The following NR4A3 variants were observed in gnomAD, a reference collection of about 807,000 sequenced individuals.
NR4A3 encodes chondrosarcoma, extraskeletal myxoid, fused to EWS.
A neutral mutation model predicts 55.6 loss-of-function variants in NR4A3; 13 were observed. That is an observed-to-expected ratio of 0.23 (90% CI 0.15 to 0.37). The LOEUF (loss-of-function observed/expected upper bound fraction) is 0.37, where lower values mean the gene tolerates loss of function less well. Among genes scored for constraint, NR4A3 ranks in the 10% least tolerant of loss-of-function variants. The probability of loss-of-function intolerance (pLI) is 1.00; values close to 1 mark genes in which losing one functional copy is unlikely to be tolerated. For synonymous variants in NR4A3, 342 were observed against 357.9 expected, an observed-to-expected ratio of 0.96 and a Z score of 0.50; for missense variants, 646 against 822.8, an observed-to-expected ratio of 0.79 and a Z score of 2.63.
chr9:99,847,384 G>A, intron 6 of NR4A3, 53 bp from the exon 7 acceptor site: 1 of 1,544,858 alleles, frequency 6.5e-7, no homozygotes, highest in Non-Finnish European at 8.9e-7. Flanking sequence ...ATGTTATCAT[G>A]TTGGACAGAT....
intron 5 of NR4A3, among the ~76,000 whole-genome samples, chr9:99,835,655 C>T (rs1026402020): frequency 6.6e-6 from 1 of 152,132 alleles, no homozygotes; most frequent in Non-Finnish European, 1.5e-5. Flanking sequence ...AATTTTTTGG[C>T]CCCAAATTAT....
chr9:99,828,779 C>A lies in NR4A3; in HGVS notation c.737C>A (p.Pro246Gln). 6.9e-7 allele frequency: 1 copy of A among 1,451,922 alleles called. No individual in the cohort carries two copies. The highest frequency in any genetic ancestry group is 9.0e-7 in the Non-Finnish European group (1 of 1,105,096). 89.9% of individuals were successfully genotyped at this position (1,451,922 alleles called of 1,614,324 possible). ...AALESHPYGL[P>Q]LAKRAAPLAF... ...CTTGAGAGCCACCCGTACGGGCTGC[C>A]GCTGGCCAAGAGGGCGGCCCCGCTG... Residue 246 changes from proline to glutamine, a missense_variant, in exon 3 of 8, where the codon CCG becomes CAG. This residue lies in a region of NR4A3 where 426 missense variants were observed against 429.4 expected (regional missense o/e 0.99). Coordinates refer to ENST00000395097, the MANE Select transcript of NR4A3 (RefSeq NM_006981.4). The surrounding 1 kb of genome is among the most constrained non-coding windows in gnomAD (Gnocchi z 7.7).
rs1051150297 is a variant in NR4A3 at position 99,822,344 on chromosome 9, A to T, written c.-240A>T. 1.3e-5 allele frequency: 2 copies of T among 152,348 alleles called. No individual in the cohort carries two copies. Among genetic ancestry groups the T allele is most frequent in the Admixed American group, 1.3e-4 (2 of 15,286 alleles). The allele number at this position is 152,348 out of a possible 1,614,324, so 9.4% of individuals were successfully genotyped here. ...GGGACAGCAGCTGTGACTCCCCCCCAGTGCAGATTTCGGGACAGCTCTCTA... is the reference window on the plus strand; with the variant it reads ...GGGACAGCAGCTGTGACTCCCCCCCTGTGCAGATTTCGGGACAGCTCTCTA... On this transcript the variant is annotated 5_prime_UTR_variant, in exon 1 of 8. Transcript: ENST00000395097. The surrounding 1 kb of genome is among the most constrained non-coding windows in gnomAD (Gnocchi z 4.9).
chr9:99,862,504 C>CA (rs2118181251), intron 7 of NR4A3, among the ~76,000 whole-genome samples: 1 of 135,340 alleles, frequency 7.4e-6, no homozygotes, highest in South Asian at 2.4e-4. Context: ...GAGCCAAGAT[C>CA]GCACCACTGC....
chr9:99,824,851 G>C (rs989620721), intron 1 of NR4A3, among the ~76,000 whole-genome samples: 1 of 152,194 alleles, frequency 6.6e-6, no homozygotes, highest in Non-Finnish European at 1.5e-5. Flanking sequence ...CCGGAGCTGC[G>C]CTCGGCGCCC....
chr9:99,859,604 G>A (rs752822060), intron 7 of NR4A3, among the ~76,000 whole-genome samples: 4 of 152,162 alleles, frequency 2.6e-5, no homozygotes, highest in Non-Finnish European at 5.9e-5. Context: ...GCTGGCAGGA[G>A]GTATCGATCT....
intron 5 of NR4A3, among the ~76,000 whole-genome samples, chr9:99,838,009 G>T (rs1467110479): frequency 1.3e-5 from 2 of 152,196 alleles, no homozygotes; most frequent in Admixed American, 6.5e-5. Context: ...GGGACCTTCA[G>T]TTCTCCTTTG....
rs1018670529 is a variant in NR4A3, at chr9:99,847,346, A to C, written c.1455-91A>C. The C allele has an allele frequency of 2.4e-6, 3 of 1,251,254 alleles. No individual in the cohort carries two copies. The African/African-American group carries it at 4.4e-5, about 18-fold the overall frequency. 77.5% of individuals were successfully genotyped at this position (1,251,254 alleles called of 1,614,324 possible). On this transcript the variant is annotated intron_variant, in intron 6 of 7. Transcript: ENST00000395097. ...CACACTGGGGTCCCAATGCTGCCCC[A>C]TGGCTGTCTGTGTGCCTGTGTGTCA...
chr9:99,833,381 C>T lies in NR4A3; in HGVS notation c.1181C>T (p.Pro394Leu), dbSNP rs759791370. ...QEPSQPSPPS[P>L]PICMMNALVR... is the part of the protein sequence containing the mutation. ...CCTTCTCAGCCCTCTCCACCTTCTC[C>T]TCCAATCTGCATGATGAATGCCCTT... The change falls in exon 5 of 8, where the codon CCT (proline) becomes CTT (leucine). Residue 394 changes from proline to leucine, a missense_variant. Physicochemically the swap from Pro to Leu is moderately conservative, Grantham distance 98 (BLOSUM62 -3). Coordinates refer to ENST00000395097, the MANE Select transcript of NR4A3 (RefSeq NM_006981.4). The T allele has an allele frequency of 2.5e-6, 4 of 1,614,142 alleles. No homozygotes were observed. The highest frequency in any genetic ancestry group is 2.5e-6 in the Non-Finnish European group (3 of 1,179,986).
rs1828071932 is a variant in NR4A3 at position 99,865,024 on chromosome 9, T to C, written c.*1157T>C. 5.0e-6 allele frequency: 1 copy of C among 201,428 alleles called. No individual in the cohort carries two copies. 12.5% of individuals were successfully genotyped at this position (201,428 alleles called of 1,614,324 possible). The stretch of plus-strand genomic sequence containing the variant: ...TGAATACTAGAAAAGATTTAAAAAA[T>C]AGTATGAGTGTGAGTACTAGGAAGG... On this transcript the variant is annotated 3_prime_UTR_variant, in exon 8 of 8. Coordinates refer to ENST00000395097, the MANE Select transcript of NR4A3 (RefSeq NM_006981.4). The surrounding 1 kb of genome is among the most constrained non-coding windows in gnomAD (Gnocchi z 4.3).
At chr9:99,844,972 T>TAAA in intron 6 of NR4A3, 124 bp downstream of exon 6, 1 of 786,554 alleles carries the variant, frequency 1.3e-6, no homozygotes, top group Non-Finnish European at 2.1e-6. Flanking sequence ...GATCAGGCAC[T>TAAA]AAAAAGACTG....
chr9:99,828,788 AGAGGGC>A lies in NR4A3; in HGVS notation c.748_753del (p.Arg250_Ala251del), dbSNP rs919099548. 1 of 1,460,750 alleles carries A rather than the reference AGAGGGC, an allele frequency of 6.8e-7. No homozygotes were observed. Among genetic ancestry groups the A allele is most frequent in the Non-Finnish European group, 9.0e-7 (1 of 1,109,858 alleles). The allele number at this position is 1,460,750 out of a possible 1,614,324, so 90.5% of individuals were successfully genotyped here. A position where few individuals can be genotyped will look rare whatever the true frequency, so the allele number is the denominator to read the frequency against. Reference sequence around the variant, plus strand: ...CACCCGTACGGGCTGCCGCTGGCCAAGAGGGCGGCCCCGCTGGCCTTCCCGCCTCTC... The same window carrying A: ...CACCCGTACGGGCTGCCGCTGGCCAAGGCCCCGCTGGCCTTCCCGCCTCTC... On this transcript the variant is annotated inframe_deletion, in exon 3 of 8. Coordinates refer to ENST00000395097, the MANE Select transcript of NR4A3 (RefSeq NM_006981.4). This position sits in a 1 kb window ranked among gnomAD's most constrained non-coding sequence, Gnocchi z 7.7.
chr9:99,837,184 C>A (rs898380754), intron 5 of NR4A3, among the ~76,000 whole-genome samples: 1 of 152,124 alleles, frequency 6.6e-6, no homozygotes, highest in Non-Finnish European at 1.5e-5. Context: ...CTGACCATCA[C>A]ATATATTCTT....
At chr9:99,847,856 G>A (rs1374793389) in intron 7 of NR4A3, among the ~76,000 whole-genome samples, 3 of 152,172 alleles carry the variant, frequency 2.0e-5, no homozygotes, top group East Asian at 3.8e-4. Context: ...CCCAATATAC[G>A]AAAATCTAAC....
At chr9:99,839,717 T>C (rs966211800) in intron 5 of NR4A3, among the ~76,000 whole-genome samples, 2 of 152,242 alleles carry the variant, frequency 1.3e-5, no homozygotes, top group African/African-American at 4.8e-5. Context: ...GCCAGAGTTC[T>C]GACAGATCAA....
At chr9:99,832,549 G>T in intron 3 of NR4A3, 140 bp from the exon 4 acceptor site, 2 of 623,822 alleles carry the variant, frequency 3.2e-6, no homozygotes, top group Admixed American at 3.9e-5. Context: ...TTTCCTGCAG[G>T]CTAGCGTTTT....
intron 5 of NR4A3, among the ~76,000 whole-genome samples, chr9:99,844,341 C>G (rs1159834900): frequency 6.6e-6 from 1 of 152,206 alleles, no homozygotes; most frequent in African/African-American, 2.4e-5. Flanking sequence ...GCGCAGGACC[C>G]AGACAAGAGT....
At chr9:99,846,407 T>C (rs1157343102) in intron 6 of NR4A3, among the ~76,000 whole-genome samples, 1 of 152,084 alleles carries the variant, frequency 6.6e-6, no homozygotes, top group Non-Finnish European at 1.5e-5. Context: ...CCAGAGAGAT[T>C]TAAGGAGCAC....
chr9:99,846,236 T>G (rs1190145549), intron 6 of NR4A3, among the ~76,000 whole-genome samples: 1 of 152,240 alleles, frequency 6.6e-6, no homozygotes, highest in Non-Finnish European at 1.5e-5. Context: ...AAGAACCACA[T>G]ATAATTCAGC....
Sources: allele counts gnomAD v4.1 joint callset (sites outside exome capture counted in the v4.1 genomes callset), GRCh38; gene constraint gnomAD v4.1.1; regional missense constraint gnomAD v4.1.1; non-coding constraint Gnocchi (gnomAD v3.1); transcripts MANE v1.5; gene names NCBI Gene and HGNC (gene_info 2026-07-23, HGNC 2026-07-21).